ANK3: variants seen among roughly 807,000 people sequenced by gnomAD.
The protein encoded by ANK3 is ankyrin 3, also known as ankyrin-3.
Under a neutral mutation model 370.9 loss-of-function variants are expected in ANK3, and 57 were observed. The ratio of observed to expected loss-of-function variants is 0.15; its 90% CI spans 0.12 to 0.19. The LOEUF is 0.19. Ranked by LOEUF, ANK3 falls within the 10% of genes least tolerant of loss-of-function variation. The pLI, the probability that ANK3 is intolerant of heterozygous loss-of-function variation, is 1.00. For synonymous variants in ANK3, 1,929 were observed against 1,946.3 expected, an observed-to-expected ratio of 0.99 and a Z score of 0.23; for missense variants, 4,439 against 5,302.1, an observed-to-expected ratio of 0.84 and a Z score of 5.06.
chr10:60,135,837 T>A (rs974100561), intron 24 of ANK3, among the ~76,000 whole-genome samples: 11 of 152,104 alleles, frequency 7.2e-5, no homozygotes, highest in African/African-American at 2.4e-4. Context: ...GGCCTCATTC[T>A]AAGTGTCTAC....
chr10:60,660,934 A>ACACACACACACACACACC lies in ANK3; in HGVS notation c.58-45711_58-45710insGGTGTGTGTGTGTGTGTG, dbSNP rs373156861. Among the ~76,000 whole-genome samples the ACACACACACACACACACC allele has an allele frequency of 6.7e-3, 1,013 of 151,832 alleles. 12 individuals carry two copies. The highest frequency in any genetic ancestry group is 0.022 in the African/African-American group (923 of 41,368). On this transcript the variant is annotated intron_variant, in intron 1 of 43. Coordinates refer to the ANK3 transcript ENST00000373827. ...AATACACACTCACACACACACACAC[A>ACACACACACACACACACC]CCCCACATCTATAAGACATAACACA...
chr10:60,724,257 C>A (rs544997679), intron 1 of ANK3, among the ~76,000 whole-genome samples: 9 of 150,884 alleles, frequency 6.0e-5, no homozygotes, highest in Non-Finnish European at 1.2e-4. Context: ...TCTAGCGCCC[C>A]CAGAAGGAAC....
At position 60,274,109 on chromosome 10, in the gene ANK3, A is replaced by T. The variant is rs561078026; in HGVS notation, c.415-3880T>A. 2.0e-5 allele frequency among the ~76,000 whole-genome samples: 3 copies of T among 152,182 alleles called. No individual in the cohort carries two copies. In the South Asian group the frequency reaches 6.2e-4, roughly 32 times the overall value. On this transcript the variant is annotated intron_variant, in intron 4 of 43. Transcript: ENST00000280772. ...ACCCTTAGCTTCCTGAGTAGCTAGG[A>T]CTATGGGCATGCACTACCACATCTG...
intron 43 of ANK3, among the ~76,000 whole-genome samples, chr10:60,031,461 G>T (rs557843001): frequency 6.6e-6 from 1 of 152,250 alleles, no homozygotes; most frequent in South Asian, 2.1e-4. Context: ...ATAAAACAAA[G>T]TTCTTCCCAT....
intron 28 of ANK3, among the ~76,000 whole-genome samples, chr10:60,094,166 G>A (rs974531398): frequency 2.7e-5 from 4 of 149,804 alleles, no homozygotes; most frequent in African/African-American, 9.9e-5. Flanking sequence ...TGATGAAATG[G>A]AGAAACAGTA....
At chr10:60,575,236 G>A (rs1212586014) in intron 2 of ANK3, among the ~76,000 whole-genome samples, 1 of 152,038 alleles carries the variant, frequency 6.6e-6, no homozygotes, top group East Asian at 1.9e-4. Flanking sequence ...GTGACTAAGG[G>A]TAGTTGTTCG....
intron 1 of ANK3, among the ~76,000 whole-genome samples, chr10:60,305,952 C>T (rs1014840284): frequency 3.3e-5 from 5 of 152,070 alleles, no homozygotes; most frequent in Non-Finnish European, 7.3e-5. Context: ...GACAATAATA[C>T]GCCCTGCCTC....
At chr10:60,064,025 A>G (rs2081148183) in intron 39 of ANK3, 132 bp downstream of exon 39, 1 of 814,692 alleles carries the variant, frequency 1.2e-6, no homozygotes, top group South Asian at 2.6e-5. Context: ...CTATTACCTC[A>G]TGATCACTTA....
intron 33 of ANK3, 25 bp from the exon 34 acceptor site, chr10:60,082,762 G>A: frequency 6.2e-7 from 1 of 1,605,580 alleles, no homozygotes; most frequent in East Asian, 2.2e-5. Flanking sequence ...GTAGTTGATG[G>A]TTATAGAATG....
Position 60,075,207 on chromosome 10 carries a change from G to A in ANK3, c.5674C>T (p.Pro1892Ser). Residue 1892 changes from proline (P) to serine (S), a missense_variant, in exon 37 of 44, where the codon CCA becomes TCA. Physicochemically the swap from Pro to Ser is moderately conservative, Grantham distance 74. This residue lies in a region of ANK3 where 679 missense variants were observed against 791.0 expected (regional missense o/e 0.86). Coordinates refer to ENST00000280772, the MANE Select transcript of ANK3 (RefSeq NM_020987.5). ...TCCTGACTGGAAGATAAAGAAGATG[G>A]TGTAGACAACTTAAGGGCAGAGGGT... Reference protein sequence around the residue: ...LAPSALKLSTPSSLSSSQEIL... With the variant: ...LAPSALKLSTSSSLSSSQEIL... 2 of 1,614,166 alleles carry A rather than the reference G, an allele frequency of 1.2e-6. No homozygotes were observed. The highest frequency in any genetic ancestry group is 1.7e-6 in the Non-Finnish European group (2 of 1,180,022).
chr10:60,124,565 C>T (rs1415704209), intron 25 of ANK3, among the ~76,000 whole-genome samples: 1 of 152,180 alleles, frequency 6.6e-6, no homozygotes, highest in African/African-American at 2.4e-5. Flanking sequence ...GATAGCATAT[C>T]CTTTTCACAT....
intron 16 of ANK3, among the ~76,000 whole-genome samples, chr10:60,188,673 A>G (rs1036090045): frequency 1.3e-5 from 2 of 152,212 alleles, no homozygotes; most frequent in Middle Eastern, 3.2e-3. Context: ...ACAAACCCTT[A>G]TATCAACCCA....
rs201017063 is a variant in ANK3, at chr10:60,716,512, T to TA, written c.57+16750dup. Among the ~76,000 whole-genome samples the TA allele has an allele frequency of 3.6e-3, 540 of 150,764 alleles. 3 individuals are homozygous for TA. The highest frequency in any genetic ancestry group is 0.012 in the African/African-American group (493 of 41,160). On this transcript the variant is annotated intron_variant, in intron 1 of 43. Coordinates refer to the ANK3 transcript ENST00000373827. ...TTCTCTTACAATCTCACACTCAATT[T>TA]AAAAAAAAAATTTAGGCAATTTAAG...
intron 2 of ANK3, among the ~76,000 whole-genome samples, chr10:60,506,292 A>G (rs1269567752): frequency 2.0e-5 from 3 of 152,112 alleles, no homozygotes; most frequent in African/African-American, 4.8e-5. Context: ...CCTTTAAAGG[A>G]CTATGCAAAT....
chr10:60,255,013 T>G (rs2097715545), intron 7 of ANK3, among the ~76,000 whole-genome samples: 1 of 152,174 alleles, frequency 6.6e-6, no homozygotes, highest in Admixed American at 6.5e-5. Context: ...GAATTCAAAA[T>G]CTGCATGTGA....
At chr10:60,466,240 G>GCAGTA (rs1337572591) in intron 2 of ANK3, among the ~76,000 whole-genome samples, 2 of 152,106 alleles carry the variant, frequency 1.3e-5, no homozygotes, top group Non-Finnish European at 2.9e-5. Context: ...TTCGGAGGAG[G>GCAGTA]CAGTAGATTC....
intron 1 of ANK3, among the ~76,000 whole-genome samples, chr10:60,666,703 A>G (rs1218480060): frequency 6.6e-6 from 1 of 152,180 alleles, no homozygotes; most frequent in African/African-American, 2.4e-5. Flanking sequence ...AATAATGTAG[A>G]CTATCTTCAA....
chr10:60,539,113 G>T (rs2133212477), intron 2 of ANK3, among the ~76,000 whole-genome samples: 1 of 151,806 alleles, frequency 6.6e-6, no homozygotes, highest in South Asian at 2.1e-4. Flanking sequence ...ACCAAGGGAA[G>T]CATAAAACAG....
At chr10:60,558,727 T>C (rs905768405) in intron 2 of ANK3, among the ~76,000 whole-genome samples, 2 of 152,242 alleles carry the variant, frequency 1.3e-5, no homozygotes, top group African/African-American at 4.8e-5. Context: ...CCAACTTTTA[T>C]GATTATATAA....
Sources: gnomAD v4.1 joint callset for allele counts (sites outside exome capture counted in the v4.1 genomes callset) on GRCh38, gnomAD v4.1.1 for gene constraint, gnomAD v4.1.1 regional missense constraint, MANE v1.5 for transcripts, NCBI Gene and HGNC (gene_info 2026-07-23, HGNC 2026-07-21) for gene names.